Variants in NXPH1 observed in about 807,000 individuals in gnomAD.
The protein encoded by NXPH1 is neurexophilin 1.
In NXPH1, 5 loss-of-function variants were observed where a neutral mutation model predicts 23.7. The observed-to-expected ratio is 0.21, with a 90% confidence interval of 0.11 to 0.44. NXPH1 has a LOEUF of 0.44. NXPH1 is among the 20% of genes least tolerant of loss of function. NXPH1 has a pLI of 0.99. For synonymous variants in NXPH1, 144 were observed against 122.2 expected (o/e 1.18, Z -1.18); for missense variants, 324 against 321.6 (o/e 1.01, Z -0.06).
chr7:8,446,314 T>C (rs997276258), intron 2 of NXPH1, among the ~76,000 whole-genome samples: 1 of 152,196 alleles, frequency 6.6e-6, no homozygotes. Context: ...AAAGTGATTG[T>C]AAGAGTCCAA....
intron 2 of NXPH1, among the ~76,000 whole-genome samples, chr7:8,733,184 C>A (rs887805998): frequency 2.6e-5 from 4 of 152,174 alleles, no homozygotes; most frequent in African/African-American, 9.7e-5. Flanking sequence ...CAGCTTCATC[C>A]ATGTCCCTGC....
At chr7:8,572,269 G>T (rs924745393) in intron 2 of NXPH1, among the ~76,000 whole-genome samples, 1 of 151,874 alleles carries the variant, frequency 6.6e-6, no homozygotes, top group Non-Finnish European at 1.5e-5. Flanking sequence ...CAGATATAAT[G>T]AAAATAGCAA....
At chr7:8,500,376 A>T (rs1210556986) in intron 2 of NXPH1, among the ~76,000 whole-genome samples, 2 of 152,088 alleles carry the variant, frequency 1.3e-5, no homozygotes, top group African/African-American at 4.8e-5. Flanking sequence ...TATCAGGATG[A>T]TGAATAGCAC....
chr7:8,493,067 T>A (rs1458120336), intron 2 of NXPH1, among the ~76,000 whole-genome samples: 1 of 151,990 alleles, frequency 6.6e-6, no homozygotes, highest in Non-Finnish European at 1.5e-5. Context: ...TGGGGCAGCA[T>A]GTGATGAATA....
intron 2 of NXPH1, among the ~76,000 whole-genome samples, chr7:8,448,813 TC>T (rs1482942290): frequency 3.0e-5 from 3 of 100,756 alleles, no homozygotes; most frequent in African/African-American, 5.4e-5. Flanking sequence ...AGACTTCGTC[TC>T]GGGGAAAAAA....
chr7:8,493,140 C>T (rs1355244531), intron 2 of NXPH1, among the ~76,000 whole-genome samples: 1 of 151,742 alleles, frequency 6.6e-6, no homozygotes, highest in African/African-American at 2.4e-5. Context: ...GGGTTGTGGC[C>T]CTTTGACCTA....
chr7:8,489,583 A>G (rs1299098252), intron 2 of NXPH1, among the ~76,000 whole-genome samples: 1 of 152,046 alleles, frequency 6.6e-6, no homozygotes, highest in African/African-American at 2.4e-5. Context: ...GGCTGTGCAG[A>G]CTGAACATTT....
rs116507642 is a variant in NXPH1, at chr7:8,485,761, C to T, written c.54+49994C>T. Among the ~76,000 whole-genome samples the T allele has an allele frequency of 5.5e-3, 844 of 152,222 alleles. 8 individuals are homozygous for T. The highest frequency in any genetic ancestry group is 0.02 in the African/African-American group (811 of 41,542). On this transcript the variant is annotated intron_variant, in intron 2 of 2. Transcript: ENST00000405863. ...GTAGGCTAATAAGTTTCAAGGGAGA[C>T]ATCAGAGGCAATAATTACAAATTAT...
intron 2 of NXPH1, among the ~76,000 whole-genome samples, chr7:8,697,342 A>G (rs1395000835): frequency 6.6e-6 from 1 of 152,108 alleles, no homozygotes; most frequent in Admixed American, 6.6e-5. Flanking sequence ...TGGATGCTGC[A>G]TGGATAATGG....
intron 2 of NXPH1, among the ~76,000 whole-genome samples, chr7:8,746,605 C>A (rs1780473820): frequency 6.6e-6 from 1 of 152,182 alleles, no homozygotes; most frequent in African/African-American, 2.4e-5. Flanking sequence ...TTCAACATTT[C>A]AATTCATGTT....
intron 2 of NXPH1, among the ~76,000 whole-genome samples, chr7:8,712,134 T>G (rs1319864630): frequency 6.6e-6 from 1 of 152,210 alleles, no homozygotes; most frequent in African/African-American, 2.4e-5. Context: ...GTATAGACTC[T>G]TAGGAGCTAG....
intron 2 of NXPH1, among the ~76,000 whole-genome samples, chr7:8,439,349 A>C (rs1405909223): frequency 2.0e-5 from 3 of 152,172 alleles, no homozygotes; most frequent in Non-Finnish European, 4.4e-5. Context: ...CCAGGAAAGC[A>C]TCTCCCACAG....
At chr7:8,445,179 T>C (rs1816377895) in intron 2 of NXPH1, among the ~76,000 whole-genome samples, 1 of 152,242 alleles carries the variant, frequency 6.6e-6, no homozygotes, top group Admixed American at 6.5e-5. Flanking sequence ...ATAAGCCTGC[T>C]TTGATATTAA....
At chr7:8,723,257 A>C (rs1467507517) in intron 2 of NXPH1, among the ~76,000 whole-genome samples, 2 of 152,310 alleles carry the variant, frequency 1.3e-5, no homozygotes, top group East Asian at 3.9e-4. Flanking sequence ...GTGCAAAGAA[A>C]ATGCTCCCAG....
chr7:8,628,185 T>C (rs1051495012), intron 2 of NXPH1, among the ~76,000 whole-genome samples: 1 of 152,144 alleles, frequency 6.6e-6, no homozygotes, highest in African/African-American at 2.4e-5. Context: ...ACTTAGTAAC[T>C]ACATACTATT....
At chr7:8,658,857 A>G (rs1004140030) in intron 2 of NXPH1, among the ~76,000 whole-genome samples, 1 of 152,180 alleles carries the variant, frequency 6.6e-6, no homozygotes, top group Admixed American at 6.5e-5. Context: ...TGATTTTGGG[A>G]CAGGGTAGTT....
chr7:8,559,778 A>G (rs536341237), intron 2 of NXPH1, among the ~76,000 whole-genome samples: 225 of 151,858 alleles, frequency 1.5e-3, no homozygotes, highest in Non-Finnish European at 2.7e-3. Context: ...TTTCAGTCAT[A>G]GAAACTCAAA....
chr7:8,437,188 A>C (rs1353060617), intron 2 of NXPH1, among the ~76,000 whole-genome samples: 1 of 152,156 alleles, frequency 6.6e-6, no homozygotes, highest in African/African-American at 2.4e-5. Context: ...CTGTCACCGA[A>C]GTCTGTGCCT....
chr7:8,435,781 G>T lies in NXPH1; in HGVS notation c.54+14G>T, dbSNP rs1470805957. ...ACCGTCTACTTGGTAAGTCTTGGAAGGTTCGGGGCTTTCGCATTTTTACCC... is the reference window on the plus strand; with the variant it reads ...ACCGTCTACTTGGTAAGTCTTGGAATGTTCGGGGCTTTCGCATTTTTACCC... On this transcript the variant is annotated intron_variant, in intron 2 of 2. Transcript: ENST00000405863. This position sits in a 1 kb window ranked among gnomAD's most constrained non-coding sequence, Gnocchi z 5.9. 6 of 1,613,742 alleles carry T rather than the reference G, an allele frequency of 3.7e-6. No individual in the cohort carries two copies. Among genetic ancestry groups the T allele is most frequent in the Non-Finnish European group, 5.1e-6 (6 of 1,179,696 alleles).
Sources: allele counts gnomAD v4.1 joint callset (sites outside exome capture counted in the v4.1 genomes callset), GRCh38; gene constraint gnomAD v4.1.1; non-coding constraint Gnocchi (gnomAD v3.1); transcripts MANE v1.5; gene names NCBI Gene and HGNC (gene_info 2026-07-23, HGNC 2026-07-21).